The following TUBGCP3 variants were observed in gnomAD, a reference collection of about 807,000 sequenced individuals.
TUBGCP3 encodes the protein tubulin gamma complex component 3.
TUBGCP3 carries 50 observed loss-of-function variants against 123.1 expected under a neutral mutation model. The observed-to-expected ratio is 0.41, with a 90% CI of 0.32 to 0.51. The LOEUF (loss-of-function observed/expected upper bound fraction) is 0.51. Ranked by LOEUF, TUBGCP3 falls within the 20% of genes least tolerant of loss-of-function variation. TUBGCP3 has a pLI of 0.36. For synonymous variants in TUBGCP3, 405 were observed against 413.9 expected (o/e 0.98, Z 0.26); for missense variants, 882 against 1,127.0 (o/e 0.78, Z 3.11).
At chr13:112,559,175 A>AT in intron 4 of TUBGCP3, 147 bp downstream of exon 4, 1 of 621,554 alleles carries the variant, frequency 1.6e-6, no homozygotes, top group Non-Finnish European at 2.6e-6. Context: ...CCTTAAAAAG[A>AT]AAAAGGAAAA....
chr13:112,546,270 C>T (rs1411940697), intron 10 of TUBGCP3: 1 of 173,840 alleles, frequency 5.8e-6, no homozygotes, highest in Non-Finnish European at 1.3e-5. Context: ...CCTGTGAATC[C>T]ATCCTTGTAC....
intron 11 of TUBGCP3, among the ~76,000 whole-genome samples, chr13:112,544,252 G>C (rs1244125311): frequency 6.6e-6 from 1 of 151,990 alleles, no homozygotes; most frequent in Non-Finnish European, 1.5e-5. Flanking sequence ...AGGAGATCGA[G>C]ACCATCCTGG....
chr13:112,522,557 T>G (rs775147872), intron 13 of TUBGCP3, 48 bp from the exon 14 acceptor site: 14 of 1,559,664 alleles, frequency 9.0e-6, no homozygotes, highest in Non-Finnish European at 1.2e-5. Flanking sequence ...TAATTTGTAT[T>G]TCCACAGAGG....
chr13:112,496,712 C>T (rs557217202), intron 20 of TUBGCP3, among the ~76,000 whole-genome samples: 1 of 152,246 alleles, frequency 6.6e-6, no homozygotes, highest in Admixed American at 6.5e-5. Flanking sequence ...AGTGGCCGGG[C>T]GCGGTGGCTC....
chr13:112,596,124 C>T, the TUBGCP3 span, among the ~76,000 whole-genome samples: 27 of 152,320 alleles, frequency 1.8e-4, no homozygotes, highest in East Asian at 4.0e-3. Flanking sequence ...TTGAGAACCA[C>T]GCTAAATGGT....
chr13:112,558,156 C>A, intron 5 of TUBGCP3, 40 bp downstream of exon 5: 1 of 1,567,012 alleles, frequency 6.4e-7, no homozygotes, highest in South Asian at 1.2e-5. Flanking sequence ...GTCTCTGTTT[C>A]TAACACATAG....
intron 8 of TUBGCP3, among the ~76,000 whole-genome samples, chr13:112,552,153 C>G (rs536182478): frequency 1.3e-5 from 2 of 152,166 alleles, no homozygotes; most frequent in African/African-American, 2.4e-5. Context: ...CTGGGGACCC[C>G]TGCTATAAAA....
At position 112,519,869 on chromosome 13, in the gene TUBGCP3, A is replaced by G; in HGVS notation, c.1881+17T>C. 1.2e-6 allele frequency: 2 copies of G among 1,609,424 alleles called. No homozygotes were observed. Among genetic ancestry groups the G allele is most frequent in the South Asian group, 1.1e-5 (1 of 90,720 alleles). On this transcript the variant is annotated intron_variant, in intron 15 of 21. Transcript: ENST00000261965. The surrounding 1 kb of genome is among the most constrained non-coding windows in gnomAD (Gnocchi z 6.2). ...TCGGTGCCGGGGCGGCGTTCCCAAC[A>G]CGCAGAGCCGCAGTACCTCCAGCAG...
chr13:112,502,356 A>G (rs1376787576), intron 19 of TUBGCP3, among the ~76,000 whole-genome samples: 6 of 152,094 alleles, frequency 3.9e-5, no homozygotes, highest in Admixed American at 1.3e-4. Context: ...CGGGTCTAGG[A>G]ACAGAGAGCT....
At chr13:112,555,931 A>G (rs1879990763) in intron 6 of TUBGCP3, 121 bp downstream of exon 6, 1 of 1,164,770 alleles carries the variant, frequency 8.6e-7, no homozygotes, top group African/African-American at 1.5e-5. Context: ...ACTTCATCAT[A>G]AGAACAAGAA....
In TUBGCP3 at chr13:112,526,603, T is replaced by A. The variant is rs1441317695; in HGVS notation, c.1555+339A>T. Among the ~76,000 whole-genome samples, 3 of 131,194 alleles carry A rather than the reference T, an allele frequency of 2.3e-5. No individual in the cohort carries two copies. In the South Asian group the frequency reaches 7.6e-4, roughly 33 times the overall value. The allele number at this position is 131,194 out of a possible 152,430, so 86.1% of individuals were successfully genotyped here. A position where few individuals can be genotyped will look rare whatever the true frequency, so the allele number is the denominator to read the frequency against. The stretch of plus-strand genomic sequence containing the variant: ...CACCATCACCACATCATCACCATCA[T>A]CATCATCACCATCATCACTACCACC... On this transcript the variant is annotated intron_variant, in intron 13 of 21. Coordinates refer to ENST00000261965, the MANE Select transcript of TUBGCP3 (RefSeq NM_006322.6).
At chr13:112,572,500 T>A (rs1285558259) in intron 1 of TUBGCP3, among the ~76,000 whole-genome samples, 1 of 152,038 alleles carries the variant, frequency 6.6e-6, no homozygotes, top group Non-Finnish European at 1.5e-5. Flanking sequence ...CTCCCACTTA[T>A]GAGTGAGAAG....
chr13:112,537,646 G>C (rs1240820969), intron 11 of TUBGCP3, among the ~76,000 whole-genome samples: 1 of 152,104 alleles, frequency 6.6e-6, no homozygotes, highest in Non-Finnish European at 1.5e-5. Context: ...GAGTTAAGTA[G>C]TATTCCATCC....
the TUBGCP3 span, among the ~76,000 whole-genome samples, chr13:112,598,342 G>A: frequency 1.3e-5 from 2 of 151,224 alleles, no homozygotes; most frequent in African/African-American, 2.4e-5. Flanking sequence ...GATACTAGAT[G>A]AAGGCTAGCA....
rs890589181 is a variant in TUBGCP3 at position 112,534,342 on chromosome 13, C to T, written c.1336-6858G>A. On this transcript the variant is annotated intron_variant, in intron 11 of 21. Coordinates refer to ENST00000261965, the MANE Select transcript of TUBGCP3 (RefSeq NM_006322.6). ...GGGGTGGATCACGAGGTCAGGAGATCGAGACCATCCTGGCTAACACGGTGA... is the reference window on the plus strand; with the variant it reads ...GGGGTGGATCACGAGGTCAGGAGATTGAGACCATCCTGGCTAACACGGTGA... Among the ~76,000 whole-genome samples the T allele has an allele frequency of 2.6e-5, 4 of 152,074 alleles. No homozygotes were observed. The East Asian group carries it at 5.8e-4, about 22-fold the overall frequency.
At chr13:112,513,623 T>C (rs1413255353) in intron 17 of TUBGCP3, among the ~76,000 whole-genome samples, 1 of 152,226 alleles carries the variant, frequency 6.6e-6, no homozygotes, top group Non-Finnish European at 1.5e-5. Context: ...GTACTCTGCT[T>C]CAGATTTATC....
At position 112,486,067 on chromosome 13, in the gene TUBGCP3, C is replaced by T. The variant is rs1566522719; in HGVS notation, c.2650G>A (p.Glu884Lys). ...RFLSFRLDFN[E>K]HYKAREPRLR... Reference sequence around the variant, plus strand: ...CTGGGCTCCCTGGCTTTGTAATGCTCGTTGAAGTCCAGCCTGAAGCTAAGA... The same window carrying T: ...CTGGGCTCCCTGGCTTTGTAATGCTTGTTGAAGTCCAGCCTGAAGCTAAGA... The change falls in exon 22 of 22, where the codon GAG becomes AAG. Residue 884 changes from glutamate (E) to lysine (K), a missense_variant. Physicochemically the swap from Glu to Lys is moderately conservative, Grantham distance 56. Transcript: ENST00000261965. 3.7e-6 allele frequency: 6 copies of T among 1,610,132 alleles called. No individual in the cohort carries two copies. The highest frequency in any genetic ancestry group is 4.2e-6 in the Non-Finnish European group (5 of 1,176,892).
intron 11 of TUBGCP3, among the ~76,000 whole-genome samples, chr13:112,530,510 C>T (rs1877487753): frequency 6.6e-6 from 1 of 152,238 alleles, no homozygotes; most frequent in African/African-American, 2.4e-5. Flanking sequence ...ACCAACGGCG[C>T]ACACAGAAAC....
the TUBGCP3 span, chr13:112,602,802 T>G: frequency 6.6e-6 from 1 of 152,322 alleles, no homozygotes. Flanking sequence ...AGGCAGACAC[T>G]CAAAACCAAG....
Sources: gnomAD v4.1 joint callset for allele counts (sites outside exome capture counted in the v4.1 genomes callset) on GRCh38, gnomAD v4.1.1 for gene constraint, Gnocchi (gnomAD v3.1) non-coding constraint, MANE v1.5 for transcripts, NCBI Gene and HGNC (gene_info 2026-07-23, HGNC 2026-07-21) for gene names.